The following ITSN1 variants were observed in gnomAD, a reference collection of about 807,000 sequenced individuals.
ITSN1 encodes intersectin-1.
Under a neutral mutation model 239.8 loss-of-function variants are expected in ITSN1, and 58 were observed. That is an observed-to-expected ratio of 0.24 (90% confidence interval 0.20 to 0.30). The LOEUF (loss-of-function observed/expected upper bound fraction) is 0.30, where lower values mean the gene tolerates loss of function less well. Among genes scored for constraint, ITSN1 ranks in the 10% least tolerant of loss-of-function variants. ITSN1 has a pLI of 1.00. For synonymous variants in ITSN1, 780 were observed against 770.8 expected, an observed-to-expected ratio of 1.01 and a Z score of -0.20; for missense variants, 1,558 against 2,103.3, an observed-to-expected ratio of 0.74 and a Z score of 5.07.
At chr21:33,781,574 CCTTTT>C in intron 15 of ITSN1, 26 bp downstream of exon 15, 2 of 1,275,488 alleles carry the variant, frequency 1.6e-6, no homozygotes, top group Non-Finnish European at 2.2e-6. Context: ...TTAAAGTTGA[CCTTTT>C]CTTTATTCTT....
intron 1 of ITSN1, among the ~76,000 whole-genome samples, chr21:33,670,637 G>A (rs576756763): frequency 6.6e-6 from 1 of 152,288 alleles, no homozygotes; most frequent in South Asian, 2.1e-4. Flanking sequence ...TCTCAACCCT[G>A]TCAGACAACA....
In ITSN1 at chr21:33,899,189, G is replaced by T. The variant is rs1047919530; in HGVS notation, c.*10889G>T. 6.6e-6 allele frequency: 1 copy of T among 152,250 alleles called. No homozygotes were observed. The highest frequency in any genetic ancestry group is 2.4e-5 in the African/African-American group (1 of 41,458). 9.4% of individuals were successfully genotyped at this position (152,250 alleles called of 1,614,324 possible). A position where few individuals can be genotyped will look rare whatever the true frequency, so the allele number is the denominator to read the frequency against. Reference sequence around the variant, plus strand: ...TTGTTTCAAAAAAGTCTGGGGACAAGAAAAGCTAGAACATGGGGCCCTCCC... The same window carrying T: ...TTGTTTCAAAAAAGTCTGGGGACAATAAAAGCTAGAACATGGGGCCCTCCC... On this transcript the variant is annotated 3_prime_UTR_variant, in exon 40 of 40. Transcript: ENST00000381318.
chr21:33,838,355 C>T, intron 29 of ITSN1: 1 of 985,114 alleles, frequency 1.0e-6, no homozygotes, highest in Non-Finnish European at 1.2e-6. Flanking sequence ...GAGGACCTCT[C>T]CTCCTCGTTC....
chr21:33,796,430 G>A (rs1326319122), intron 17 of ITSN1, among the ~76,000 whole-genome samples: 2 of 152,146 alleles, frequency 1.3e-5, no homozygotes, highest in African/African-American at 4.8e-5. Context: ...CATTCATACA[G>A]AGTAGAAATA....
chr21:33,887,612 A>G (rs1396872852), intron 39 of ITSN1, among the ~76,000 whole-genome samples: 1 of 150,138 alleles, frequency 6.7e-6, no homozygotes, highest in Non-Finnish European at 1.5e-5. Flanking sequence ...TTTTTTATTT[A>G]TTTATCTTTT....
intron 1 of ITSN1, among the ~76,000 whole-genome samples, chr21:33,654,246 C>T (rs1437413801): frequency 4.1e-5 from 6 of 145,748 alleles, no homozygotes; most frequent in East Asian, 2.0e-4. Flanking sequence ...TTTGGAGAGA[C>T]GATCTCGCTG....
At chr21:33,817,168 G>A in intron 22 of ITSN1, 1 of 1,218,374 alleles carries the variant, frequency 8.2e-7, no homozygotes, top group Non-Finnish European at 1.1e-6. Flanking sequence ...AATGCTTTAA[G>A]ATACTGTAAT....
intron 14 of ITSN1, among the ~76,000 whole-genome samples, chr21:33,776,122 T>C (rs923241125): frequency 2.0e-5 from 3 of 152,254 alleles, no homozygotes; most frequent in African/African-American, 7.2e-5. Flanking sequence ...TCAGGTTCTT[T>C]CCAGTGTGGA....
At chr21:33,835,547 G>A (rs781669246) in intron 28 of ITSN1, among the ~76,000 whole-genome samples, 1 of 152,172 alleles carries the variant, frequency 6.6e-6, no homozygotes, top group African/African-American at 2.4e-5. Context: ...GAGAGAAAAT[G>A]AGAAAAGAAA....
At chr21:33,809,918 C>T (rs903641640) in intron 20 of ITSN1, among the ~76,000 whole-genome samples, 2 of 152,210 alleles carry the variant, frequency 1.3e-5, no homozygotes, top group African/African-American at 2.4e-5. Context: ...CTCAGCCTCC[C>T]GAGTAGCTGG....
At position 33,867,662 on chromosome 21, in the gene ITSN1, C is replaced by G. The variant is rs549151718; in HGVS notation, c.4173+331C>G. On this transcript the variant is annotated intron_variant, in intron 33 of 39. Coordinates refer to ENST00000381318, the MANE Select transcript of ITSN1 (RefSeq NM_003024.3). ...TTAAAAAAAAAAAAAAAAAAGAGAG[C>G]TAATACTGTGTCCGGAATTGGTGGG... is the stretch of plus-strand genomic sequence containing the variant. Among the ~76,000 whole-genome samples, 358 of 148,064 alleles carry G rather than the reference C, an allele frequency of 2.4e-3. 3 individuals are homozygous for G. Among genetic ancestry groups the G allele is most frequent in the African/African-American group, 8.5e-3 (341 of 40,214 alleles).
intron 7 of ITSN1, among the ~76,000 whole-genome samples, chr21:33,754,737 C>A (rs2067796608): frequency 6.6e-6 from 1 of 152,092 alleles, no homozygotes; most frequent in African/African-American, 2.4e-5. Flanking sequence ...TTATGTGTGA[C>A]CATGGAAATG....
At chr21:33,751,714 G>A in intron 6 of ITSN1, 96 bp from the exon 7 acceptor site, 1 of 899,458 alleles carries the variant, frequency 1.1e-6, no homozygotes, top group South Asian at 1.5e-5. Context: ...AATTATTTCT[G>A]CCTCAGATTT....
chr21:33,763,626 T>G lies in ITSN1; in HGVS notation c.788+1640T>G, dbSNP rs568746052. ...AATTGCGGATCAGATTTGATTTTTT[T>G]TTTTGTTTTGTTGTTTTGTTTTTGA... On this transcript the variant is annotated intron_variant, in intron 9 of 39. Transcript: ENST00000381318. 7.0e-4 allele frequency among the ~76,000 whole-genome samples: 106 copies of G among 152,296 alleles called. 1 individual carries two copies. The Middle Eastern group carries it at 0.014, about 20-fold the overall frequency.
intron 34 of ITSN1, among the ~76,000 whole-genome samples, chr21:33,881,702 C>G (rs1010438155): frequency 6.6e-6 from 1 of 152,074 alleles, no homozygotes; most frequent in African/African-American, 2.4e-5. Flanking sequence ...GAGAAATGGC[C>G]AAGCCCAGTG....
At chr21:33,785,456 TAC>T (rs1331649194) in intron 16 of ITSN1, among the ~76,000 whole-genome samples, 1 of 145,424 alleles carries the variant, frequency 6.9e-6, no homozygotes, top group Non-Finnish European at 1.5e-5. Context: ...AATACACTTA[TAC>T]TTTCCTTTTC....
Position 33,772,290 on chromosome 21 carries a change from G to A in ITSN1, c.1272G>A (p.Glu424=). ...EKQRELERQR[E]EERRKEIERR... is the part of the protein sequence containing the mutation. ...AGCGGGAGCTAGAACGGCAGAGAGA[G>A]GAGGAGAGGAGGAAAGAAATTGAGA... Residue 424 remains glutamate (E), a synonymous_variant, in exon 12 of 40, where the codon GAG becomes GAA. Transcript: ENST00000381318. The A allele has an allele frequency of 6.4e-7, 1 of 1,560,102 alleles. No individual in the cohort carries two copies. The highest frequency in any genetic ancestry group is 8.7e-7 in the Non-Finnish European group (1 of 1,151,506).
intron 20 of ITSN1, among the ~76,000 whole-genome samples, chr21:33,806,633 C>G (rs2072475333): frequency 6.6e-6 from 1 of 152,222 alleles, no homozygotes; most frequent in Non-Finnish European, 1.5e-5. Flanking sequence ...TAGAGCAGCT[C>G]TGTAACATAG....
chr21:33,673,643 CCTACCCCTCAGTGGGGGTAAT>C (rs903378974), intron 1 of ITSN1, among the ~76,000 whole-genome samples: 3 of 151,198 alleles, frequency 2.0e-5, no homozygotes, highest in Non-Finnish European at 4.4e-5. Context: ...CTTGTCGGAA[CCTACCCCTCAGTGGGGGTAAT>C]CCCAGCTGTT....
Sources: gnomAD v4.1 joint callset for allele counts (sites outside exome capture counted in the v4.1 genomes callset) on GRCh38, gnomAD v4.1.1 for gene constraint, MANE v1.5 for transcripts, NCBI Gene and HGNC (gene_info 2026-07-23, HGNC 2026-07-21) for gene names.